The following ASTN2 variants were observed in gnomAD, a reference collection of about 807,000 sequenced individuals.
The protein encoded by ASTN2 is astrotactin 2, also known as astrotactin-2.
In ASTN2, 54 loss-of-function variants were observed where a neutral mutation model predicts 139.8. The ratio of observed to expected loss-of-function variants is 0.39; its 90% CI spans 0.31 to 0.48. ASTN2 has a LOEUF of 0.48. Among genes scored for constraint, ASTN2 ranks in the 20% least tolerant of loss-of-function variants. The probability of loss-of-function intolerance (pLI) is 0.95; values close to 1 mark genes in which losing one functional copy is unlikely to be tolerated. For synonymous variants in ASTN2, 756 were observed against 719.5 expected (o/e 1.05, Z -0.81); for missense variants, 1,565 against 1,725.1 (o/e 0.91, Z 1.64).
intron 1 of ASTN2, among the ~76,000 whole-genome samples, chr9:117,346,700 C>T (rs139106584): frequency 1.3e-5 from 2 of 152,076 alleles, no homozygotes; most frequent in Non-Finnish European, 2.9e-5. Context: ...TGTTCTCCTG[C>T]CAGTAGTGAG....
intron 16 of ASTN2, among the ~76,000 whole-genome samples, chr9:116,692,142 C>G (rs963414942): frequency 6.6e-6 from 1 of 152,178 alleles, no homozygotes; most frequent in Non-Finnish European, 1.5e-5. Context: ...CCACCAAAGG[C>G]TGATATAGGT....
At chr9:117,148,427 T>G (rs1830251225) in intron 3 of ASTN2, among the ~76,000 whole-genome samples, 1 of 152,228 alleles carries the variant, frequency 6.6e-6, no homozygotes, top group Admixed American at 6.5e-5. Context: ...AACTCATTCT[T>G]TCTCATTCAT....
chr9:117,034,004 T>A (rs1242320439), intron 6 of ASTN2, among the ~76,000 whole-genome samples: 1 of 152,100 alleles, frequency 6.6e-6, no homozygotes, highest in Non-Finnish European at 1.5e-5. Context: ...CCTTAAGAGG[T>A]CATTAGGTAT....
intron 11 of ASTN2, among the ~76,000 whole-genome samples, chr9:116,830,862 A>G (rs1017251380): frequency 6.6e-6 from 1 of 152,076 alleles, no homozygotes; most frequent in Non-Finnish European, 1.5e-5. Context: ...CAACAATAAT[A>G]ACATACGAGT....
At chr9:116,492,093 T>G (rs566991358) in intron 19 of ASTN2, among the ~76,000 whole-genome samples, 2 of 151,982 alleles carry the variant, frequency 1.3e-5, no homozygotes, top group East Asian at 3.9e-4. Context: ...CTCTTTTTTT[T>G]TTTTTTGAGA....
chr9:117,063,803 T>G (rs1839368767), intron 5 of ASTN2, among the ~76,000 whole-genome samples: 1 of 152,094 alleles, frequency 6.6e-6, no homozygotes, highest in South Asian at 2.1e-4. Context: ...AGCAAGCCAG[T>G]GGGCTCCTAG....
At position 116,749,424 on chromosome 9, in the gene ASTN2, T is replaced by C. The variant is rs549996133; in HGVS notation, c.2397-15901A>G. 5.3e-5 allele frequency among the ~76,000 whole-genome samples: 8 copies of C among 151,296 alleles called. No individual in the cohort carries two copies. In the East Asian group the frequency reaches 1.5e-3, roughly 29 times the overall value. On this transcript the variant is annotated intron_variant, in intron 13 of 22. Transcript: ENST00000313400. ...CATATGGTCACTAATTTGGGGTTAT[T>C]TTCTTTACGTCATGGGAATCCTTCC...
intron 17 of ASTN2, among the ~76,000 whole-genome samples, chr9:116,636,228 T>C (rs1564172289): frequency 6.6e-6 from 1 of 152,206 alleles, no homozygotes. Flanking sequence ...CTACTATGTA[T>C]ATGGCACTAA....
intron 1 of ASTN2, among the ~76,000 whole-genome samples, chr9:117,390,277 G>A (rs10739492): frequency 0.36 from 55,154 of 151,892 alleles, 10,720 homozygotes; most frequent in Non-Finnish European, 0.45. Context: ...ACAAACAGTC[G>A]TCCCTATTAT....
At chr9:117,150,595 A>G (rs1249580683) in intron 3 of ASTN2, among the ~76,000 whole-genome samples, 3 of 152,220 alleles carry the variant, frequency 2.0e-5, no homozygotes, top group Non-Finnish European at 4.4e-5. Context: ...TCAGAGTCTC[A>G]GCTCTCCTAA....
At chr9:116,867,205 A>G (rs1327804672) in intron 10 of ASTN2, among the ~76,000 whole-genome samples, 3 of 152,156 alleles carry the variant, frequency 2.0e-5, no homozygotes, top group Non-Finnish European at 2.9e-5. Context: ...AGGCATAAGA[A>G]ACAGATGAAA....
chr9:117,223,045 T>C (rs1197212264), intron 2 of ASTN2, among the ~76,000 whole-genome samples: 3 of 152,158 alleles, frequency 2.0e-5, no homozygotes, highest in Non-Finnish European at 4.4e-5. Flanking sequence ...GTTCAGAACA[T>C]ATTGCAAAAG....
intron 13 of ASTN2, among the ~76,000 whole-genome samples, chr9:116,785,576 C>T (rs1830349588): frequency 6.6e-6 from 1 of 152,088 alleles, no homozygotes; most frequent in Admixed American, 6.5e-5. Context: ...CTTTCTATTC[C>T]CCTCCCTTGT....
intron 3 of ASTN2, among the ~76,000 whole-genome samples, chr9:117,165,209 G>A (rs566000710): frequency 5.9e-5 from 9 of 152,144 alleles, no homozygotes; most frequent in African/African-American, 1.7e-4. Context: ...TTACACTGAC[G>A]TAGAGTGTAT....
rs762371896 is a variant in ASTN2, at chr9:117,291,391, G to T, written c.565C>A (p.Pro189Thr). The part of the protein sequence containing the change: ...SSGQLAQATA[P>T]TLQEPSEIVE... Reference sequence around the variant, plus strand: ...ATCTCCGAGGGCTCCTGGAGAGTGGGGGCGGTGGCTTGGGCCAGCTGCCCG... The same window carrying T: ...ATCTCCGAGGGCTCCTGGAGAGTGGTGGCGGTGGCTTGGGCCAGCTGCCCG... The change falls in exon 2 of 23, where the codon CCC becomes ACC. Residue 189 changes from proline to threonine, a missense_variant. Pro to Thr is a conservative substitution (Grantham distance 38). Around this residue, in one of 4 missense-constraint regions of ASTN2, gnomAD observed 596 missense variants for 576.8 expected, o/e 1.03. Coordinates refer to ENST00000313400, the MANE Select transcript of ASTN2 (RefSeq NM_001365068.1). 1 of 1,614,098 alleles carries T rather than the reference G, an allele frequency of 6.2e-7. No individual in the cohort carries two copies. Among genetic ancestry groups the T allele is most frequent in the Admixed American group, 1.7e-5 (1 of 60,008 alleles).
intron 13 of ASTN2, among the ~76,000 whole-genome samples, chr9:116,754,517 G>C (rs1829487213): frequency 6.6e-6 from 1 of 152,068 alleles, no homozygotes; most frequent in African/African-American, 2.4e-5. Context: ...CTGGTGTGAT[G>C]TCCACCTATT....
At chr9:117,329,484 G>T (rs557832547) in intron 1 of ASTN2, among the ~76,000 whole-genome samples, 1 of 152,252 alleles carries the variant, frequency 6.6e-6, no homozygotes, top group East Asian at 1.9e-4. Context: ...TCCCTTGAAG[G>T]TAGAGACTAA....
intron 16 of ASTN2, among the ~76,000 whole-genome samples, chr9:116,681,689 G>A (rs1027531480): frequency 8.5e-5 from 13 of 152,074 alleles, no homozygotes; most frequent in Admixed American, 3.3e-4. Context: ...ATAGATCAAT[G>A]GAACAGAACA....
At chr9:116,559,069 C>T (rs1852778296) in intron 19 of ASTN2, among the ~76,000 whole-genome samples, 1 of 152,166 alleles carries the variant, frequency 6.6e-6, no homozygotes, top group African/African-American at 2.4e-5. Context: ...CCCGACTCTA[C>T]TTTATGTGCT....
Sources: allele counts gnomAD v4.1 joint callset (sites outside exome capture counted in the v4.1 genomes callset), GRCh38; gene constraint gnomAD v4.1.1; regional missense constraint gnomAD v4.1.1; transcripts MANE v1.5; gene names NCBI Gene and HGNC (gene_info 2026-07-23, HGNC 2026-07-21).